The following ZRANB3 variants were observed in gnomAD, a reference collection of about 807,000 sequenced individuals.
The protein encoded by ZRANB3 is zinc finger RANBP2-type containing 3.
Under a neutral mutation model 133.8 loss-of-function variants are expected in ZRANB3, and 125 were observed. That is an observed-to-expected ratio of 0.93 (90% CI 0.81 to 1.08). The LOEUF is 1.08. ZRANB3 is among the 50% of genes least tolerant of loss of function. The pLI, the probability that ZRANB3 is intolerant of heterozygous loss-of-function variation, is 0.00. For synonymous variants in ZRANB3, 387 were observed against 432.7 expected (o/e 0.89, Z 1.31); for missense variants, 1,229 against 1,275.5 (o/e 0.96, Z 0.56).
At chr2:135,295,445 T>G (rs962643735) in intron 8 of ZRANB3, among the ~76,000 whole-genome samples, 16 of 152,174 alleles carry the variant, frequency 1.1e-4, no homozygotes, top group African/African-American at 3.6e-4. Context: ...TCTTCCTCCA[T>G]CCTTTTATTT....
chr2:135,340,568 G>A (rs1047586208), intron 6 of ZRANB3, among the ~76,000 whole-genome samples: 11 of 151,988 alleles, frequency 7.2e-5, no homozygotes, highest in South Asian at 2.1e-4. Flanking sequence ...AATCTTGGCC[G>A]GGTGAGGTGG....
intron 3 of ZRANB3, among the ~76,000 whole-genome samples, chr2:135,387,235 C>T (rs1187616311): frequency 6.6e-6 from 1 of 151,996 alleles, no homozygotes; most frequent in Non-Finnish European, 1.5e-5. Flanking sequence ...CAACAGTCAT[C>T]ACATGAAAAT....
intron 2 of ZRANB3, among the ~76,000 whole-genome samples, chr2:135,470,334 A>G (rs552936055): frequency 3.4e-4 from 51 of 152,024 alleles, no homozygotes; most frequent in African/African-American, 1.1e-3. Flanking sequence ...AAAAAAAAAA[A>G]AATTCTAAAA....
chr2:135,373,389 T>A (rs1686270365), intron 3 of ZRANB3, among the ~76,000 whole-genome samples: 1 of 151,994 alleles, frequency 6.6e-6, no homozygotes. Context: ...ATCTGAAGAA[T>A]GTTTTGAAGG....
At chr2:135,383,330 A>T (rs1193597727) in intron 3 of ZRANB3, among the ~76,000 whole-genome samples, 2 of 152,254 alleles carry the variant, frequency 1.3e-5, no homozygotes, top group Non-Finnish European at 2.9e-5. Flanking sequence ...ATACAGGAGC[A>T]CACAGATTCA....
At position 135,406,162 on chromosome 2, in the gene ZRANB3, C is replaced by T. The variant is rs188807312; in HGVS notation, c.162-15342G>A. ...GATATCACCACCGATCCCACAGAAA[C>T]ACAAACTACCATAGGAGAATACTAC... On this transcript the variant is annotated intron_variant, in intron 2 of 20. Transcript: ENST00000264159. Among the ~76,000 whole-genome samples the T allele has an allele frequency of 4.2e-4, 64 of 152,188 alleles. 1 individual carries two copies. Among genetic ancestry groups the T allele is most frequent in the African/African-American group, 1.4e-3 (58 of 41,524 alleles).
At chr2:135,265,751 A>C in intron 11 of ZRANB3, 65 bp from the exon 12 acceptor site, 1 of 1,497,602 alleles carries the variant, frequency 6.7e-7, no homozygotes, top group Non-Finnish European at 9.0e-7. Flanking sequence ...TCACTAAGTA[A>C]CTTGATTTTG....
At chr2:135,347,995 A>G (rs2104869761) in intron 5 of ZRANB3, among the ~76,000 whole-genome samples, 1 of 152,236 alleles carries the variant, frequency 6.6e-6, no homozygotes, top group South Asian at 2.1e-4. Context: ...GTGGTGGCTC[A>G]AAACTGTAAT....
intron 3 of ZRANB3, among the ~76,000 whole-genome samples, chr2:135,376,365 AC>A (rs1686428991): frequency 6.6e-6 from 1 of 152,136 alleles, no homozygotes; most frequent in South Asian, 2.1e-4. Flanking sequence ...AGATTTGAAA[AC>A]CTATGTTGAC....
chr2:135,211,410 G>A (rs371669656), intron 17 of ZRANB3, among the ~76,000 whole-genome samples: 16 of 152,168 alleles, frequency 1.1e-4, no homozygotes, highest in Admixed American at 9.2e-4. Flanking sequence ...GCGTGGTGGT[G>A]CGCACCTGCA....
At chr2:135,321,981 G>A (rs970128594) in intron 6 of ZRANB3, among the ~76,000 whole-genome samples, 2 of 151,920 alleles carry the variant, frequency 1.3e-5, no homozygotes, top group African/African-American at 2.4e-5. Context: ...TGAAGTTTGT[G>A]CCCCATCTAA....
intron 17 of ZRANB3, among the ~76,000 whole-genome samples, chr2:135,211,991 A>G (rs1573678758): frequency 6.6e-6 from 1 of 152,220 alleles, no homozygotes; most frequent in South Asian, 2.1e-4. Flanking sequence ...CCAGCAATGA[A>G]TAAGAGTATC....
intron 12 of ZRANB3, among the ~76,000 whole-genome samples, chr2:135,236,885 G>T (rs572597930): frequency 6.6e-6 from 1 of 152,284 alleles, no homozygotes; most frequent in East Asian, 1.9e-4. Context: ...CATGGGCAAG[G>T]ACTTCATGTC....
intron 1 of ZRANB3, among the ~76,000 whole-genome samples, chr2:135,506,772 A>C (rs1208107814): frequency 6.6e-6 from 1 of 152,204 alleles, no homozygotes; most frequent in Non-Finnish European, 1.5e-5. Flanking sequence ...ATTTCAAAAA[A>C]CACCTGAAGG....
At chr2:135,495,324 A>G (rs1692616896) in intron 2 of ZRANB3, among the ~76,000 whole-genome samples, 1 of 152,232 alleles carries the variant, frequency 6.6e-6, no homozygotes, top group Non-Finnish European at 1.5e-5. Flanking sequence ...TTTATTTTTA[A>G]AAAACACATA....
chr2:135,387,936 C>T (rs1687054247), intron 3 of ZRANB3, among the ~76,000 whole-genome samples: 1 of 152,066 alleles, frequency 6.6e-6, no homozygotes. Context: ...TCTGCATACT[C>T]GTTAACTGAG....
intron 19 of ZRANB3, among the ~76,000 whole-genome samples, chr2:135,204,562 G>A (rs1368416477): frequency 6.6e-6 from 1 of 150,478 alleles, no homozygotes; most frequent in Non-Finnish European, 1.5e-5. Context: ...GGAGGCTGAG[G>A]CAGGAGGATC....
chr2:135,477,770 G>T (rs577578907), intron 2 of ZRANB3, among the ~76,000 whole-genome samples: 13 of 152,300 alleles, frequency 8.5e-5, no homozygotes, highest in African/African-American at 2.9e-4. Flanking sequence ...AAGGCTGGAG[G>T]ACTGCTTAAG....
intron 2 of ZRANB3, among the ~76,000 whole-genome samples, chr2:135,428,201 G>C (rs1689173895): frequency 2.0e-5 from 3 of 152,122 alleles, no homozygotes. Flanking sequence ...CTAGCACTTT[G>C]CAAGTCAGAG....
Sources: gnomAD v4.1 joint callset for allele counts (sites outside exome capture counted in the v4.1 genomes callset) on GRCh38, gnomAD v4.1.1 for gene constraint, MANE v1.5 for transcripts, NCBI Gene and HGNC (gene_info 2026-07-23, HGNC 2026-07-21) for gene names.